REL: variants seen among roughly 807,000 people sequenced by gnomAD.
REL encodes the protein REL proto-oncogene, NF-kB subunit.
In REL, 15 loss-of-function variants were observed where a neutral mutation model predicts 45.9. The ratio of observed to expected loss-of-function variants is 0.33; its 90% confidence interval spans 0.22 to 0.50. The LOEUF (loss-of-function observed/expected upper bound fraction) is 0.50. Among genes scored for constraint, REL ranks in the 20% least tolerant of loss-of-function variants. REL has a pLI of 0.98. For missense variants in REL, 601 were observed against 715.2 expected, an observed-to-expected ratio of 0.84 and a Z score of 1.82; for synonymous variants, 239 against 242.1, an observed-to-expected ratio of 0.99 and a Z score of 0.12.
rs1674334812 is a variant in REL, at chr2:60,929,206, CTT to C, written c.*6674_*6675del. ...GAGAGGATGTGGAGAAATAGGAACA[CTT>C]TTACACTGTTGGTGGGACTGTAAAC... On this transcript the variant is annotated 3_prime_UTR_variant, in exon 10 of 10. Transcript: ENST00000394479. The C allele has an allele frequency of 6.7e-6, 1 of 150,042 alleles. No homozygotes were observed. 9.3% of individuals were successfully genotyped at this position (150,042 alleles called of 1,614,324 possible). A position where few individuals can be genotyped will look rare whatever the true frequency, so the allele number is the denominator to read the frequency against.
chr2:60,887,830 C>G (rs1189171939), intron 1 of REL, among the ~76,000 whole-genome samples: 1 of 151,356 alleles, frequency 6.6e-6, no homozygotes, highest in Non-Finnish European at 1.5e-5. Flanking sequence ...AATATTTAAT[C>G]TTTTCAACAA....
chr2:60,916,380 C>T (rs1163908477), intron 4 of REL, among the ~76,000 whole-genome samples: 1 of 152,204 alleles, frequency 6.6e-6, no homozygotes, highest in Non-Finnish European at 1.5e-5. Context: ...CATCACTGCA[C>T]TCCAGCCTGG....
At chr2:60,916,453 G>T (rs536139063) in intron 4 of REL, among the ~76,000 whole-genome samples, 1 of 152,280 alleles carries the variant, frequency 6.6e-6, no homozygotes, top group South Asian at 2.1e-4. Context: ...TTTGTAAAAT[G>T]GGGATGAAAG....
intron 4 of REL, among the ~76,000 whole-genome samples, chr2:60,910,945 A>G (rs574405582): frequency 3.9e-5 from 6 of 152,354 alleles, no homozygotes; most frequent in Admixed American, 3.3e-4. Context: ...CAAAACAAAC[A>G]AAACTGAGTA....
At position 60,928,154 on chromosome 2, in the gene REL, C is replaced by CAAAAAA; in HGVS notation, c.*5631_*5636dup. The CAAAAAA allele has an allele frequency of 1.2e-5, 1 of 82,448 alleles. No individual in the cohort carries two copies. The highest frequency in any genetic ancestry group is 4.7e-5 in the African/African-American group (1 of 21,354). 5.1% of individuals were successfully genotyped at this position (82,448 alleles called of 1,614,324 possible). On this transcript the variant is annotated 3_prime_UTR_variant, in exon 10 of 10. Transcript: ENST00000394479. ...GTAATATAAGGAAAACCTGTCTCTG[C>CAAAAAA]AAAAAAAAAAAAAAAAAGAGGATAC...
rs1426384026 is a variant in REL, at chr2:60,923,303, A to C, written c.*768A>C. On this transcript the variant is annotated 3_prime_UTR_variant, in exon 10 of 10. Coordinates refer to ENST00000394479, the MANE Select transcript of REL (RefSeq NM_001291746.2). ...CAGAAGGCAGTTGAAGTGAGCTTTC[A>C]AGGTATGGGAGGTTTTCTACATTTT... The C allele has an allele frequency of 4.5e-6, 1 of 223,272 alleles. No homozygotes were observed. Among genetic ancestry groups the C allele is most frequent in the African/African-American group, 2.2e-5 (1 of 44,738 alleles). The allele number at this position is 223,272 out of a possible 1,614,324, so 13.8% of individuals were successfully genotyped here.
At chr2:60,891,582 C>A (rs1389278076) in intron 1 of REL, 101 bp from the exon 2 acceptor site, 9 of 1,054,794 alleles carry the variant, frequency 8.5e-6, no homozygotes, top group South Asian at 2.0e-5. Context: ...GGAAAAAAAT[C>A]TTTGTTTTAG....
chr2:60,891,548 C>T (rs1263599579), intron 1 of REL, 135 bp from the exon 2 acceptor site: 9 of 739,958 alleles, frequency 1.2e-5, no homozygotes, highest in African/African-American at 1.8e-5. Context: ...GATAACATTT[C>T]GGTCTTGTTA....
At position 60,924,756 on chromosome 2, in the gene REL, A is replaced by G. The variant is rs1163026153; in HGVS notation, c.*2221A>G. The G allele has an allele frequency of 4.8e-6, 1 of 208,476 alleles. No homozygotes were observed. Among genetic ancestry groups the G allele is most frequent in the Non-Finnish European group, 9.8e-6 (1 of 102,192 alleles). 12.9% of individuals were successfully genotyped at this position (208,476 alleles called of 1,614,324 possible). On this transcript the variant is annotated 3_prime_UTR_variant, in exon 10 of 10. Coordinates refer to ENST00000394479, the MANE Select transcript of REL (RefSeq NM_001291746.2). Reference sequence around the variant, plus strand: ...CCTTTTCAAAGTGCAAGATTTTTAAAAGAGACTTGTCACATATTCATTTGG... The same window carrying G: ...CCTTTTCAAAGTGCAAGATTTTTAAGAGAGACTTGTCACATATTCATTTGG...
Position 60,924,269 on chromosome 2 carries a change from GT to G in REL, c.*1738del. On this transcript the variant is annotated 3_prime_UTR_variant, in exon 10 of 10. Transcript: ENST00000394479. ...CTAAGTATTTATTCATTTACTGTTT[GT>G]TTTCCCATACCGAAATATAAACTTT... is the stretch of plus-strand genomic sequence containing the variant. 1 of 224,822 alleles carries G rather than the reference GT, an allele frequency of 4.4e-6. No individual in the cohort carries two copies. Among genetic ancestry groups the G allele is most frequent in the Non-Finnish European group, 8.9e-6 (1 of 112,860 alleles). 13.9% of individuals were successfully genotyped at this position (224,822 alleles called of 1,614,324 possible). A position where few individuals can be genotyped will look rare whatever the true frequency, so the allele number is the denominator to read the frequency against.
chr2:60,917,712 G>GTGTGTGTGTA (rs1228834689), intron 5 of REL, among the ~76,000 whole-genome samples: 2 of 138,550 alleles, frequency 1.4e-5, no homozygotes, highest in African/African-American at 5.2e-5. Context: ...GTGTGTGTGT[G>GTGTGTGTGTA]TGTACGTGTG....
rs980601224 is a variant in REL, at chr2:60,918,636, T to A, written c.853+30T>A. On this transcript the variant is annotated intron_variant, in intron 7 of 9. Transcript: ENST00000394479. Reference sequence around the variant, plus strand: ...GACATTTTGCTGGTAATAATTTATATATTTCTTGAAGTGGTCCTGCTAATA... The same window carrying A: ...GACATTTTGCTGGTAATAATTTATAAATTTCTTGAAGTGGTCCTGCTAATA... The A allele has an allele frequency of 2.7e-6, 4 of 1,491,634 alleles. No individual in the cohort carries two copies. In the Admixed American group the frequency reaches 6.7e-5, roughly 25 times the overall value. 92.4% of individuals were successfully genotyped at this position (1,491,634 alleles called of 1,614,324 possible). A position where few individuals can be genotyped will look rare whatever the true frequency, so the allele number is the denominator to read the frequency against.
intron 3 of REL, among the ~76,000 whole-genome samples, chr2:60,896,399 A>C (rs1344148860): frequency 6.6e-6 from 1 of 152,196 alleles, no homozygotes; most frequent in Admixed American, 6.5e-5. Context: ...ATATGTTAAT[A>C]CTAAGGTATT....
chr2:60,894,135 T>A (rs1230596847), intron 2 of REL, among the ~76,000 whole-genome samples: 1 of 152,180 alleles, frequency 6.6e-6, no homozygotes, highest in Non-Finnish European at 1.5e-5. Flanking sequence ...GAGTTTTACT[T>A]GTTTTGAAAG....
intron 1 of REL, among the ~76,000 whole-genome samples, chr2:60,890,218 C>G (rs1273650985): frequency 6.6e-6 from 1 of 152,158 alleles, no homozygotes; most frequent in African/African-American, 2.4e-5. Context: ...AGCATTTTTT[C>G]ACGTAGACAA....
chr2:60,895,097 G>A (rs1673316806), intron 3 of REL, among the ~76,000 whole-genome samples: 1 of 151,966 alleles, frequency 6.6e-6, no homozygotes, highest in South Asian at 2.1e-4. Context: ...GACCTCAGGT[G>A]ATCTGCCTGC....
In REL at chr2:60,924,581, T is replaced by C. The variant is rs1470943222; in HGVS notation, c.*2046T>C. On this transcript the variant is annotated 3_prime_UTR_variant, in exon 10 of 10. Transcript: ENST00000394479. ...AATAATCCCAGTGGCAAAATGATGG[T>C]AGAATTTGGGTAATCTTTTTTTTCC... The C allele has an allele frequency of 1.9e-5, 4 of 215,836 alleles. No individual in the cohort carries two copies. The East Asian group carries it at 2.1e-4, about 11-fold the overall frequency. The allele number at this position is 215,836 out of a possible 1,614,324, so 13.4% of individuals were successfully genotyped here. A position where few individuals can be genotyped will look rare whatever the true frequency, so the allele number is the denominator to read the frequency against.
intron 3 of REL, chr2:60,900,105 G>T (rs1426612451): frequency 1.3e-5 from 2 of 152,182 alleles, no homozygotes; most frequent in African/African-American, 4.8e-5. Flanking sequence ...CTGAATAAAT[G>T]GGGCTTAGTC....
Position 60,924,466 on chromosome 2 carries a change from C to T in REL, c.*1931C>T. ...AATTATAAGACGTATATGATTTTTG[C>T]AGTTTTACTTAGTGTGACATTGGGT... is the stretch of plus-strand genomic sequence containing the variant. On this transcript the variant is annotated 3_prime_UTR_variant, in exon 10 of 10. Coordinates refer to ENST00000394479, the MANE Select transcript of REL (RefSeq NM_001291746.2). The T allele has an allele frequency of 4.7e-6, 1 of 214,252 alleles. No individual in the cohort carries two copies. 13.3% of individuals were successfully genotyped at this position (214,252 alleles called of 1,614,324 possible).
Sources: gnomAD v4.1 joint callset for allele counts (sites outside exome capture counted in the v4.1 genomes callset) on GRCh38, gnomAD v4.1.1 for gene constraint, MANE v1.5 for transcripts, NCBI Gene and HGNC (gene_info 2026-07-23, HGNC 2026-07-21) for gene names.